AFG1L: variants seen among roughly 807,000 people sequenced by gnomAD.
AFG1L encodes the protein AFG1-like ATPase.
In AFG1L, 53 loss-of-function variants were observed where a neutral mutation model predicts 62.2. The ratio of observed to expected loss-of-function variants is 0.85; its 90% CI spans 0.68 to 1.07. The LOEUF is 1.07. AFG1L is among the 50% of genes least tolerant of loss of function. AFG1L has a pLI of 0.00. For synonymous variants in AFG1L, 228 were observed against 210.3 expected, an observed-to-expected ratio of 1.08 and a Z score of -0.73; for missense variants, 555 against 590.5, an observed-to-expected ratio of 0.94 and a Z score of 0.62.
chr6:108,507,341 G>T (rs1037422216), intron 10 of AFG1L, among the ~76,000 whole-genome samples: 9 of 152,130 alleles, frequency 5.9e-5, no homozygotes, highest in Non-Finnish European at 8.8e-5. Flanking sequence ...CAACAATTCC[G>T]CATTCCCCCA....
intron 8 of AFG1L, among the ~76,000 whole-genome samples, chr6:108,462,261 G>A (rs1582621817): frequency 6.6e-6 from 1 of 152,004 alleles, no homozygotes; most frequent in South Asian, 2.1e-4. Flanking sequence ...AAAGCTAACT[G>A]GGCTTGGTGT....
At position 108,356,706 on chromosome 6, in the gene AFG1L, A is replaced by G; in HGVS notation, c.534A>G (p.Lys178=). ...GCATTTAAGGAATACATCGCCTTAA[A>G]CAGAGTTTGCCAAAAAGGAAACCAG... The part of the protein sequence containing the change: ...LDVHKRIHRL[K]QSLPKRKPGF... Residue 178 remains lysine, a synonymous_variant, in exon 5 of 13, where the codon AAA becomes AAG. Transcript: ENST00000368977. 1 of 1,611,426 alleles carries G rather than the reference A, an allele frequency of 6.2e-7. No homozygotes were observed. Among genetic ancestry groups the G allele is most frequent in the Non-Finnish European group, 8.5e-7 (1 of 1,178,828 alleles).
intron 2 of AFG1L, among the ~76,000 whole-genome samples, chr6:108,333,692 A>G (rs1259586984): frequency 6.6e-6 from 1 of 152,192 alleles, no homozygotes; most frequent in Non-Finnish European, 1.5e-5. Flanking sequence ...AGAAATAACT[A>G]GCAGATGCCA....
intron 2 of AFG1L, among the ~76,000 whole-genome samples, chr6:108,332,151 G>A (rs1288292143): frequency 6.6e-6 from 1 of 152,196 alleles, no homozygotes; most frequent in East Asian, 1.9e-4. Flanking sequence ...AAAAACAAGT[G>A]TCATGCTGGA....
chr6:108,444,879 T>G (rs1287489932), intron 7 of AFG1L, among the ~76,000 whole-genome samples: 3 of 152,210 alleles, frequency 2.0e-5, no homozygotes, highest in African/African-American at 7.2e-5. Context: ...CAACATCAAG[T>G]CATCAGTTGC....
At chr6:108,367,196 A>G (rs1779797225) in intron 6 of AFG1L, among the ~76,000 whole-genome samples, 1 of 152,202 alleles carries the variant, frequency 6.6e-6, no homozygotes, top group Middle Eastern at 3.2e-3. Flanking sequence ...TCATGAGGGC[A>G]GTGATTTTTA....
chr6:108,471,998 A>T (rs1772917260), intron 8 of AFG1L, among the ~76,000 whole-genome samples: 1 of 152,216 alleles, frequency 6.6e-6, no homozygotes. Flanking sequence ...ACACAATGGA[A>T]TATTATTCAA....
At chr6:108,395,408 T>C (rs567454123) in intron 6 of AFG1L, among the ~76,000 whole-genome samples, 22 of 147,038 alleles carry the variant, frequency 1.5e-4, no homozygotes, top group African/African-American at 3.5e-4. Flanking sequence ...CTTTTCTTTT[T>C]TTTTTTTTTT....
At chr6:108,493,418 G>A (rs1773844821) in intron 10 of AFG1L, among the ~76,000 whole-genome samples, 1 of 152,136 alleles carries the variant, frequency 6.6e-6, no homozygotes, top group African/African-American at 2.4e-5. Flanking sequence ...CCTTCTGACT[G>A]CCCCTCACAC....
intron 6 of AFG1L, chr6:108,392,162 G>T (rs1582501637): frequency 6.6e-6 from 1 of 152,118 alleles, no homozygotes; most frequent in East Asian, 1.9e-4. Flanking sequence ...TTATTTAAAA[G>T]ATGTAAAATT....
intron 1 of AFG1L, among the ~76,000 whole-genome samples, chr6:108,309,434 T>C (rs1483000453): frequency 6.6e-6 from 1 of 152,226 alleles, no homozygotes; most frequent in Non-Finnish European, 1.5e-5. Flanking sequence ...TCCAACTTTG[T>C]TCTTTTTCAA....
chr6:108,515,686 C>T (rs2114909969), intron 11 of AFG1L, among the ~76,000 whole-genome samples: 1 of 152,096 alleles, frequency 6.6e-6, no homozygotes, highest in Admixed American at 6.5e-5. Context: ...CACAAAAAAC[C>T]CTTCAAAAAA....
At chr6:108,362,037 G>A (rs1012821260) in intron 5 of AFG1L, among the ~76,000 whole-genome samples, 4 of 152,144 alleles carry the variant, frequency 2.6e-5, no homozygotes, top group Admixed American at 6.5e-5. Flanking sequence ...ATGAATGAAT[G>A]AATGAATCTA....
At chr6:108,516,482 G>T (rs1287390006) in intron 11 of AFG1L, among the ~76,000 whole-genome samples, 2 of 152,064 alleles carry the variant, frequency 1.3e-5, no homozygotes, top group Non-Finnish European at 2.9e-5. Flanking sequence ...CAATAAATTA[G>T]GTATTGATGG....
At chr6:108,474,200 C>T (rs563946874) in intron 8 of AFG1L, among the ~76,000 whole-genome samples, 102 of 152,276 alleles carry the variant, frequency 6.7e-4, no homozygotes, top group Middle Eastern at 6.8e-3. Context: ...CATGTGCCTG[C>T]AAAGGACGTG....
chr6:108,451,518 C>A (rs918353286), intron 8 of AFG1L, among the ~76,000 whole-genome samples: 1 of 152,106 alleles, frequency 6.6e-6, no homozygotes, highest in Non-Finnish European at 1.5e-5. Flanking sequence ...AAGTTTCAGA[C>A]GTTTTTGGCC....
At chr6:108,416,777 G>C (rs189034868) in intron 7 of AFG1L, among the ~76,000 whole-genome samples, 1 of 152,062 alleles carries the variant, frequency 6.6e-6, no homozygotes, top group Non-Finnish European at 1.5e-5. Flanking sequence ...CCTGTCATGC[G>C]GTGTGGGGAG....
chr6:108,355,400 G>T (rs1384548329), intron 3 of AFG1L, among the ~76,000 whole-genome samples: 1 of 152,060 alleles, frequency 6.6e-6, no homozygotes, highest in African/African-American at 2.4e-5. Flanking sequence ...GTTTTCAGGG[G>T]GAAATAGCCC....
At chr6:108,508,835 G>T (rs928220) in intron 10 of AFG1L, among the ~76,000 whole-genome samples, 2,048 of 152,264 alleles carry the variant, frequency 0.013, 51 homozygotes, top group African/African-American at 0.046. Flanking sequence ...CAACATTTCT[G>T]AAAGAAGTTT....
Sources: allele counts gnomAD v4.1 joint callset (sites outside exome capture counted in the v4.1 genomes callset), GRCh38; gene constraint gnomAD v4.1.1; transcripts MANE v1.5; gene names NCBI Gene and HGNC (gene_info 2026-07-23, HGNC 2026-07-21).